Variants in FARS2 observed in about 807,000 individuals in gnomAD.
The protein encoded by FARS2 is phenylalanyl-tRNA synthetase 2, mitochondrial, also known as phenylalanine--tRNA ligase, mitochondrial.
A neutral mutation model predicts 46.4 loss-of-function variants in FARS2; 40 were observed. The ratio of observed to expected loss-of-function variants is 0.86; its 90% CI spans 0.67 to 1.12. The LOEUF (loss-of-function observed/expected upper bound fraction) is 1.12, where lower values mean the gene tolerates loss of function less well. Among genes scored for constraint, FARS2 ranks in the 50% most tolerant of loss-of-function variants. FARS2 has a pLI of 0.00. For synonymous variants in FARS2, 234 were observed against 214.9 expected (o/e 1.09, Z -0.78); for missense variants, 513 against 567.9 (o/e 0.90, Z 0.98).
intron 1 of FARS2, among the ~76,000 whole-genome samples, chr6:5,335,021 T>A (rs1322242029): frequency 1.3e-5 from 2 of 152,210 alleles, no homozygotes; most frequent in African/African-American, 4.8e-5. Flanking sequence ...ATGGTTTCTA[T>A]GATGGTTTGA....
intron 4 of FARS2, among the ~76,000 whole-genome samples, chr6:5,456,529 C>T (rs997614705): frequency 2.0e-5 from 3 of 151,346 alleles, no homozygotes; most frequent in South Asian, 2.1e-4. Flanking sequence ...GTCAGGAGTT[C>T]GAGGCCAGCC....
chr6:5,358,108 C>G (rs1028627322), intron 1 of FARS2, among the ~76,000 whole-genome samples: 4 of 152,032 alleles, frequency 2.6e-5, no homozygotes, highest in Admixed American at 2.6e-4. Flanking sequence ...GATTTTTAAC[C>G]TGGAGGCTAT....
Position 5,630,141 on chromosome 6 carries a change from T to G in FARS2, c.1217+16821T>G, listed in dbSNP as rs1776233147. Among the ~76,000 whole-genome samples the G allele has an allele frequency of 1.3e-5, 2 of 151,866 alleles. No individual in the cohort carries two copies. The highest frequency in any genetic ancestry group is 1.3e-4 in the Admixed American group (2 of 15,246). ...ATGCCTGGTGAATGTCTAGAACAGG[T>G]GAAGAGCAAGGTGAGGAAAGGACCC... On this transcript the variant is annotated intron_variant, in intron 6 of 6. Coordinates refer to ENST00000274680, the MANE Select transcript of FARS2 (RefSeq NM_006567.5). The surrounding 1 kb of genome is among the most constrained non-coding windows in gnomAD (Gnocchi z 4.2).
At chr6:5,685,426 A>G (rs1757125920) in intron 6 of FARS2, among the ~76,000 whole-genome samples, 1 of 152,188 alleles carries the variant, frequency 6.6e-6, no homozygotes, top group Non-Finnish European at 1.5e-5. Context: ...GTGGCCACGG[A>G]GGTGAGCAGT....
upstream of FARS2, among the ~76,000 whole-genome samples, chr6:5,260,077 G>C (rs764326919): frequency 3.3e-5 from 5 of 152,186 alleles, no homozygotes; most frequent in Non-Finnish European, 7.4e-5. Flanking sequence ...GAGAAACTGA[G>C]GTTTCAGCTC....
chr6:5,726,930 A>G (rs1279771613), intron 6 of FARS2, among the ~76,000 whole-genome samples: 2 of 152,220 alleles, frequency 1.3e-5, no homozygotes, highest in African/African-American at 4.8e-5. Context: ...GGCTGAAAGT[A>G]GCATCCTTAG....
At chr6:5,755,989 T>A (rs534016377) in intron 6 of FARS2, among the ~76,000 whole-genome samples, 1 of 152,344 alleles carries the variant, frequency 6.6e-6, no homozygotes, top group East Asian at 1.9e-4. Context: ...TGCCAGTCTG[T>A]GCCAAGGATA....
chr6:5,432,294 G>T (rs1299854710), intron 4 of FARS2, among the ~76,000 whole-genome samples: 6 of 128,870 alleles, frequency 4.7e-5, no homozygotes, highest in Admixed American at 3.5e-4. Flanking sequence ...CAGCCTGGGC[G>T]AAAGAGCAAC....
chr6:5,335,648 G>C (rs1262772025), intron 1 of FARS2, among the ~76,000 whole-genome samples: 1 of 152,138 alleles, frequency 6.6e-6, no homozygotes, highest in Non-Finnish European at 1.5e-5. Context: ...TATCACTGCT[G>C]TTTGGTGAAA....
chr6:5,691,777 C>A (rs546935509), intron 6 of FARS2, among the ~76,000 whole-genome samples: 2 of 152,292 alleles, frequency 1.3e-5, no homozygotes, highest in South Asian at 2.1e-4. Context: ...GCTATGCATG[C>A]CCCCAGAGGT....
chr6:5,571,332 C>T (rs1772634222), intron 5 of FARS2, among the ~76,000 whole-genome samples: 2 of 152,182 alleles, frequency 1.3e-5, no homozygotes, highest in South Asian at 2.1e-4. Flanking sequence ...GGTGTAATAC[C>T]TTCATTTCAA....
chr6:5,554,859 G>A (rs1771567799), intron 5 of FARS2, among the ~76,000 whole-genome samples: 1 of 151,536 alleles, frequency 6.6e-6, no homozygotes, highest in Non-Finnish European at 1.5e-5. Flanking sequence ...TGTTACTGTT[G>A]CCTATACCAA....
At chr6:5,550,536 G>A (rs1771310611) in intron 5 of FARS2, among the ~76,000 whole-genome samples, 1 of 152,186 alleles carries the variant, frequency 6.6e-6, no homozygotes, top group Non-Finnish European at 1.5e-5. Context: ...ACAGTGTCAG[G>A]GTTACAGGCA....
intron 6 of FARS2, among the ~76,000 whole-genome samples, chr6:5,666,736 G>A (rs1778142867): frequency 6.6e-6 from 1 of 152,046 alleles, no homozygotes; most frequent in Non-Finnish European, 1.5e-5. Flanking sequence ...TACACCCAAA[G>A]GAATATAAAT....
At position 5,290,639 on chromosome 6, in the gene FARS2, C is replaced by T. The variant is rs1767437896; in HGVS notation, c.-22+28979C>T. Among the ~76,000 whole-genome samples, 3 of 152,240 alleles carry T rather than the reference C, an allele frequency of 2.0e-5. No homozygotes were observed. In the South Asian group the frequency reaches 6.2e-4, roughly 31 times the overall value. ...TGATGACCTGTGATTGGTTGATGAG[C>T]TCAACCTTAGTTGGTAGTATTTCCC... On this transcript the variant is annotated intron_variant, in intron 1 of 6. Transcript: ENST00000274680.
chr6:5,421,186 A>G (rs1452965759), intron 3 of FARS2, among the ~76,000 whole-genome samples: 1 of 152,150 alleles, frequency 6.6e-6, no homozygotes, highest in Admixed American at 6.5e-5. Context: ...CACCACATGG[A>G]AGCTGCTAAG....
At chr6:5,320,783 C>T (rs1406920327) in intron 1 of FARS2, among the ~76,000 whole-genome samples, 2 of 152,158 alleles carry the variant, frequency 1.3e-5, no homozygotes, top group Non-Finnish European at 2.9e-5. Flanking sequence ...AAATTTGTTT[C>T]TCACAGTTCC....
At chr6:5,580,392 C>G (rs1304304449) in intron 5 of FARS2, among the ~76,000 whole-genome samples, 1 of 151,642 alleles carries the variant, frequency 6.6e-6, no homozygotes, top group African/African-American at 2.4e-5. Flanking sequence ...GATTGTGTTA[C>G]TCTCATTTTT....
chr6:5,454,386 G>A (rs909080116), intron 4 of FARS2, among the ~76,000 whole-genome samples: 9 of 151,864 alleles, frequency 5.9e-5, no homozygotes, highest in African/African-American at 2.2e-4. Flanking sequence ...CTGTCGCCCA[G>A]GCTGGAGTGC....
Sources: allele counts gnomAD v4.1 joint callset (sites outside exome capture counted in the v4.1 genomes callset), GRCh38; gene constraint gnomAD v4.1.1; non-coding constraint Gnocchi (gnomAD v3.1); transcripts MANE v1.5; gene names NCBI Gene and HGNC (gene_info 2026-07-23, HGNC 2026-07-21).